TMEM209: variants seen among roughly 807,000 people sequenced by gnomAD.
TMEM209 encodes the protein testicular tissue protein Li 202.
A neutral mutation model predicts 76.2 loss-of-function variants in TMEM209; 65 were observed. The ratio of observed to expected loss-of-function variants is 0.85; its 90% CI spans 0.70 to 1.05. TMEM209 has a LOEUF of 1.05. Ranked by LOEUF, TMEM209 falls within the 50% of genes least tolerant of loss-of-function variation. The pLI, the probability that TMEM209 is intolerant of heterozygous loss-of-function variation, is 0.00. For missense variants in TMEM209, 623 were observed against 685.5 expected, an observed-to-expected ratio of 0.91 and a Z score of 1.02; for synonymous variants, 239 against 237.6, an observed-to-expected ratio of 1.01 and a Z score of -0.06.
chr7:130,199,077 TCTAA>T (rs778420266), intron 5 of TMEM209, among the ~76,000 whole-genome samples: 60 of 152,344 alleles, frequency 3.9e-4, no homozygotes, highest in Non-Finnish European at 5.1e-4. Flanking sequence ...GGATTGTGAA[TCTAA>T]CTATTATTTT....
chr7:130,171,830 C>T (rs1043026398), intron 13 of TMEM209, among the ~76,000 whole-genome samples: 1 of 152,076 alleles, frequency 6.6e-6, no homozygotes, highest in Non-Finnish European at 1.5e-5. Context: ...GAGATCAAGA[C>T]CATCCTGGCT....
Position 130,183,113 on chromosome 7 carries a change from TCTGA to T in TMEM209, c.1023+1067_1023+1070del, listed in dbSNP as rs374110047. On this transcript the variant is annotated intron_variant, in intron 8 of 14. Transcript: ENST00000397622. ...TTTCTTCTAAGTAGCTAATACTCTG[TCTGA>T]CTAAGACTTCATATTTTAAACATGT... Among the ~76,000 whole-genome samples, 61 of 152,336 alleles carry T rather than the reference TCTGA, an allele frequency of 4.0e-4. No homozygotes were observed. In the East Asian group the frequency reaches 7.3e-3, roughly 18 times the overall value.
rs747125260 is a variant in TMEM209 at position 130,184,393 on chromosome 7, T to C, written c.952-138A>G. ...CAAACATCAATATTCATCTAATTAATATTCAGTAATTTTCTTATTACTCAC... is the reference window on the plus strand; with the variant it reads ...CAAACATCAATATTCATCTAATTAACATTCAGTAATTTTCTTATTACTCAC... On this transcript the variant is annotated intron_variant, in intron 7 of 14. Transcript: ENST00000397622. The C allele has an allele frequency of 6.5e-4, 389 of 601,036 alleles. 1 individual carries two copies. Among genetic ancestry groups the C allele is most frequent in the Non-Finnish European group, 8.6e-4 (302 of 351,172 alleles). 37.2% of individuals were successfully genotyped at this position (601,036 alleles called of 1,614,324 possible). A position where few individuals can be genotyped will look rare whatever the true frequency, so the allele number is the denominator to read the frequency against.
At chr7:130,201,731 G>A (rs1189876930) in intron 5 of TMEM209, 119 bp downstream of exon 5, 6 of 1,243,150 alleles carry the variant, frequency 4.8e-6, no homozygotes, top group East Asian at 2.5e-5. Context: ...TTTTAAATGG[G>A]TGTTCTGGGC....
Position 130,198,923 on chromosome 7 carries a change from TC to T in TMEM209, c.573+2926del, listed in dbSNP as rs1798089197. Among the ~76,000 whole-genome samples, 6 of 152,328 alleles carry T rather than the reference TC, an allele frequency of 3.9e-5. No individual in the cohort carries two copies. In the South Asian group the frequency reaches 1.2e-3, roughly 32 times the overall value. Reference sequence around the variant, plus strand: ...AGGTTGTCTTATTAAATTTTACTGTTCCAATCTTTTGTGTCCTTATTTGTTG... The same window carrying T: ...AGGTTGTCTTATTAAATTTTACTGTTCAATCTTTTGTGTCCTTATTTGTTG... On this transcript the variant is annotated intron_variant, in intron 5 of 14. Transcript: ENST00000397622.
At chr7:130,205,164 T>G (rs539416784) in intron 1 of TMEM209, 1 of 1,471,094 alleles carries the variant, frequency 6.8e-7, no homozygotes, top group South Asian at 1.4e-5. Flanking sequence ...AGCCCCCGCG[T>G]CCCAATTTCC....
intron 3 of TMEM209, 91 bp downstream of exon 3, chr7:130,203,697 G>A (rs1584702895): frequency 8.8e-7 from 1 of 1,142,554 alleles, no homozygotes; most frequent in East Asian, 2.6e-5. Context: ...TCAAATACTT[G>A]TTGAATAAGG....
intron 6 of TMEM209, among the ~76,000 whole-genome samples, chr7:130,187,266 CAAA>C (rs879334628): frequency 1.5e-5 from 2 of 135,710 alleles, no homozygotes; most frequent in Non-Finnish European, 3.2e-5. Flanking sequence ...ACCTCGATCT[CAAA>C]AAAAAAAACA....
At chr7:130,204,793 C>A (rs933468176) in intron 1 of TMEM209, among the ~76,000 whole-genome samples, 2 of 152,170 alleles carry the variant, frequency 1.3e-5, no homozygotes, top group African/African-American at 2.4e-5. Context: ...CTCAAAATGT[C>A]AAGTTTTGGG....
rs187975724 is a variant in TMEM209, at chr7:130,196,845, G to C, written c.574-4022C>G. 4.7e-4 allele frequency among the ~76,000 whole-genome samples: 71 copies of C among 152,234 alleles called. 1 individual carries two copies. The East Asian group carries it at 0.012, about 26-fold the overall frequency. On this transcript the variant is annotated intron_variant, in intron 5 of 14. Coordinates refer to ENST00000397622, the MANE Select transcript of TMEM209 (RefSeq NM_032842.4). ...TGGCAGCCCAAGCAGACTAATACAA[G>C]CAATTATTTTAAAATACTATGCTTC...
At chr7:130,177,100 C>T in intron 10 of TMEM209, among the ~76,000 whole-genome samples, 1 of 151,374 alleles carries the variant, frequency 6.6e-6, no homozygotes. Context: ...CGCCTGTAAT[C>T]CCAGCACTTT....
At position 130,203,866 on chromosome 7, in the gene TMEM209, G is replaced by C. The variant is rs1798313246; in HGVS notation, c.141-20C>G. On this transcript the variant is annotated intron_variant, in intron 2 of 14. Transcript: ENST00000397622. Reference sequence around the variant, plus strand: ...CCAGTCCTGAAAAAAAATTAGAAAGGCTTTCCAGTGAACCTAAAAACACCA... The same window carrying C: ...CCAGTCCTGAAAAAAAATTAGAAAGCCTTTCCAGTGAACCTAAAAACACCA... 1.9e-6 allele frequency: 3 copies of C among 1,595,874 alleles called. No homozygotes were observed. In the South Asian group the frequency reaches 3.4e-5, roughly 18 times the overall value.
At chr7:130,205,177 G>A in intron 1 of TMEM209, 196 bp downstream of exon 1, 1 of 1,498,594 alleles carries the variant, frequency 6.7e-7, no homozygotes, top group African/African-American at 1.4e-5. Flanking sequence ...CAATTTCCCA[G>A]TCCAGAGCTT....
At position 130,202,038 on chromosome 7, in the gene TMEM209, G is replaced by A. The variant is rs1364604172; in HGVS notation, c.385C>T (p.Pro129Ser). The A allele has an allele frequency of 2.9e-5, 46 of 1,613,772 alleles. No homozygotes were observed. The highest frequency in any genetic ancestry group is 3.6e-5 in the Non-Finnish European group (43 of 1,179,900). The stretch of plus-strand genomic sequence containing the variant: ...TGACCCTGAATTGAAGGGGAAGGTG[G>A]AGCGGGAGGGATTTGGGTTGCTGCC... Reference protein sequence around the residue: ...DLAATQIPPAPPSPSIQGQSV... With the variant: ...DLAATQIPPASPSPSIQGQSV... The change falls in exon 5 of 15, where the codon CCA becomes TCA. Residue 129 changes from proline to serine, a missense_variant. Physicochemically the swap from Pro to Ser is moderately conservative, Grantham distance 74. Transcript: ENST00000397622.
In TMEM209 at chr7:130,205,401, C is replaced by G; in HGVS notation, c.-26G>C. The G allele has an allele frequency of 6.2e-7, 1 of 1,613,766 alleles. No individual in the cohort carries two copies. Among genetic ancestry groups the G allele is most frequent in the Non-Finnish European group, 8.5e-7 (1 of 1,179,902 alleles). ...GTCCTCTGGCCGGAAAACGCAGGCT[C>G]GCGCCACTCTCTCTGGGCATGCGCA... On this transcript the variant is annotated 5_prime_UTR_variant, in exon 1 of 15. Transcript: ENST00000397622.
chr7:130,187,156 T>C (rs971624798), intron 6 of TMEM209, among the ~76,000 whole-genome samples: 3 of 151,726 alleles, frequency 2.0e-5, no homozygotes, highest in African/African-American at 7.3e-5. Context: ...GGCAGGAGAA[T>C]TGCTTGAACC....
intron 11 of TMEM209, among the ~76,000 whole-genome samples, chr7:130,174,635 C>T (rs1797176797): frequency 6.6e-6 from 1 of 152,082 alleles, no homozygotes; most frequent in Non-Finnish European, 1.5e-5. Flanking sequence ...AAAAAGCGAA[C>T]ATAATTTTGA....
intron 9 of TMEM209, among the ~76,000 whole-genome samples, chr7:130,179,442 A>G (rs1797341817): frequency 6.6e-6 from 1 of 152,172 alleles, no homozygotes; most frequent in Non-Finnish European, 1.5e-5. Flanking sequence ...ATTGTTTTCA[A>G]AATAAGTTGA....
intron 8 of TMEM209, among the ~76,000 whole-genome samples, chr7:130,183,107 ACT>A (rs565216835): frequency 7.0e-4 from 106 of 152,316 alleles, no homozygotes; most frequent in African/African-American, 2.5e-3. Flanking sequence ...AGTAGCTAAT[ACT>A]CTGTCTGACT....
Sources: allele counts gnomAD v4.1 joint callset (sites outside exome capture counted in the v4.1 genomes callset), GRCh38; gene constraint gnomAD v4.1.1; transcripts MANE v1.5; gene names NCBI Gene and HGNC (gene_info 2026-07-23, HGNC 2026-07-21).